The following LMO7 variants were observed in gnomAD, a reference collection of about 807,000 sequenced individuals.
The protein encoded by LMO7 is LIM domain 7, also known as LIM domain only protein 7.
LMO7 carries 120 observed loss-of-function variants against 206.5 expected under a neutral mutation model. The ratio of observed to expected loss-of-function variants is 0.58; its 90% CI spans 0.50 to 0.68. The LOEUF is 0.68. Among genes scored for constraint, LMO7 ranks in the 30% least tolerant of loss-of-function variants. The pLI is 0.00. For synonymous variants in LMO7, 706 were observed against 681.5 expected (o/e 1.04, Z -0.56); for missense variants, 1,959 against 1,957.9 (o/e 1.00, Z -0.01).
At chr13:75,754,733 A>G (rs1387174605) in intron 3 of LMO7, among the ~76,000 whole-genome samples, 1 of 152,210 alleles carries the variant, frequency 6.6e-6, no homozygotes, top group African/African-American at 2.4e-5. Flanking sequence ...GACATGTGCT[A>G]TAATGATATG....
Position 75,711,213 on chromosome 13 carries a change from G to A in LMO7, c.70-1969G>A, listed in dbSNP as rs571877672. Among the ~76,000 whole-genome samples the A allele has an allele frequency of 2.0e-5, 3 of 152,278 alleles. No individual in the cohort carries two copies. The South Asian group carries it at 6.2e-4, about 32-fold the overall frequency. ...GGATTCGGTTTGCCAGTATTTTATT[G>A]AGGATTTTTGCATTGATGTTCATCA... On this transcript the variant is annotated intron_variant, in intron 1 of 30. Transcript: ENST00000377534.
intron 11 of LMO7, among the ~76,000 whole-genome samples, chr13:75,812,344 A>C (rs1166764054): frequency 6.6e-6 from 1 of 152,228 alleles, no homozygotes; most frequent in Non-Finnish European, 1.5e-5. Flanking sequence ...TTTAGCATTG[A>C]TTGCTCTTCA....
intron 1 of LMO7, among the ~76,000 whole-genome samples, chr13:75,709,952 A>G (rs901087452): frequency 6.6e-6 from 1 of 152,164 alleles, no homozygotes; most frequent in African/African-American, 2.4e-5. Flanking sequence ...TAAGTCTTTA[A>G]TCCTTCTTGA....
At chr13:75,723,017 G>A (rs1249929563) in intron 2 of LMO7, among the ~76,000 whole-genome samples, 1 of 152,082 alleles carries the variant, frequency 6.6e-6, no homozygotes, top group African/African-American at 2.4e-5. Context: ...GGACTCGGGG[G>A]AAAGAGTGGG....
At chr13:75,675,219 G>A (rs1230427744) in intron 1 of LMO7, among the ~76,000 whole-genome samples, 8 of 151,594 alleles carry the variant, frequency 5.3e-5, no homozygotes, top group East Asian at 1.9e-4. Flanking sequence ...CATTACAGGC[G>A]CCTGCCACCA....
At chr13:75,818,991 T>C (rs891689290) in intron 12 of LMO7, among the ~76,000 whole-genome samples, 4 of 152,200 alleles carry the variant, frequency 2.6e-5, no homozygotes, top group African/African-American at 9.7e-5. Context: ...CGCGTAACCA[T>C]CACAATCGTG....
At chr13:75,654,876 C>CTCTCTTTT (rs1555288249) in intron 1 of LMO7, among the ~76,000 whole-genome samples, 51 of 141,174 alleles carry the variant, frequency 3.6e-4, no homozygotes, top group African/African-American at 1.2e-3. Context: ...TCTCTTCTCT[C>CTCTCTTTT]TTTTTTTTTT....
At chr13:75,622,713 A>G (rs2033476036) in intron 1 of LMO7, among the ~76,000 whole-genome samples, 1 of 152,212 alleles carries the variant, frequency 6.6e-6, no homozygotes, top group Non-Finnish European at 1.5e-5. Context: ...GTGCATACTA[A>G]TGGGTCTTGA....
At chr13:75,628,139 C>T (rs771133664) in intron 2 of LMO7, 14 of 152,196 alleles carry the variant, frequency 9.2e-5, no homozygotes, top group Non-Finnish European at 1.9e-4. Flanking sequence ...GAGGGCTTCT[C>T]ATCTATCCCT....
At chr13:75,743,734 A>C (rs1385942447) in intron 3 of LMO7, among the ~76,000 whole-genome samples, 1 of 152,072 alleles carries the variant, frequency 6.6e-6, no homozygotes, top group Admixed American at 6.6e-5. Context: ...GATCAGGAAA[A>C]ATAACAAATG....
intron 3 of LMO7, among the ~76,000 whole-genome samples, chr13:75,737,767 TA>T (rs1396304180): frequency 0.024 from 279 of 11,688 alleles, 5 homozygotes; most frequent in African/African-American, 0.085. Flanking sequence ...AAAAAAAAAA[TA>T]AAATAAAATA....
chr13:75,809,123 C>A, intron 10 of LMO7, 31 bp from the exon 11 acceptor site: 1 of 1,572,422 alleles, frequency 6.4e-7, no homozygotes, highest in Non-Finnish European at 8.8e-7. Context: ...GGAAAAATGA[C>A]TTTTTAATTT....
At chr13:75,645,608 T>G (rs1357790618) in intron 1 of LMO7, among the ~76,000 whole-genome samples, 1 of 152,248 alleles carries the variant, frequency 6.6e-6, no homozygotes, top group Non-Finnish European at 1.5e-5. Flanking sequence ...TTTTTCATTT[T>G]ACATGAAGAA....
Position 75,713,171 on chromosome 13 carries a change from C to T in LMO7, c.70-11C>T, listed in dbSNP as rs749212803. The T allele has an allele frequency of 3.1e-6, 5 of 1,607,580 alleles. No individual in the cohort carries two copies. Among genetic ancestry groups the T allele is most frequent in the Non-Finnish European group, 4.3e-6 (5 of 1,176,354 alleles). On this transcript the variant is annotated splice_polypyrimidine_tract_variant and intron_variant, in intron 1 of 30. Coordinates refer to ENST00000377534, the MANE Select transcript of LMO7 (RefSeq NM_001306080.2). ...CTTAAGAGAAAATTAACAACCAAAC[C>T]TATCTTTCAGGCAGTAACAGAGAAG... is the stretch of plus-strand genomic sequence containing the variant.
chr13:75,763,734 A>G (rs1226577499), intron 4 of LMO7, among the ~76,000 whole-genome samples: 1 of 152,126 alleles, frequency 6.6e-6, no homozygotes, highest in Non-Finnish European at 1.5e-5. Flanking sequence ...AGGACAGTCG[A>G]TATCCTCTGT....
intron 3 of LMO7, among the ~76,000 whole-genome samples, chr13:75,754,993 A>G (rs146069537): frequency 1.7e-3 from 262 of 152,308 alleles, no homozygotes; most frequent in African/African-American, 6.2e-3. Context: ...ATGTAACCCT[A>G]CATTTGGGGT....
At chr13:75,735,165 C>T (rs921969769) in intron 3 of LMO7, among the ~76,000 whole-genome samples, 1 of 150,106 alleles carries the variant, frequency 6.7e-6, no homozygotes, top group Non-Finnish European at 1.5e-5. Flanking sequence ...ACACATGGAG[C>T]TTTACAATTT....
chr13:75,724,873 G>A (rs1322226447), intron 2 of LMO7, among the ~76,000 whole-genome samples: 2 of 152,010 alleles, frequency 1.3e-5, no homozygotes, highest in Admixed American at 1.3e-4. Flanking sequence ...ATTTTTTAGA[G>A]GCTACTTTGT....
At chr13:75,657,217 A>G (rs1040518120) in intron 1 of LMO7, among the ~76,000 whole-genome samples, 2 of 152,324 alleles carry the variant, frequency 1.3e-5, no homozygotes, top group African/African-American at 4.8e-5. Context: ...CAAAGATAGC[A>G]TGGCCATGCT....
Sources: gnomAD v4.1 joint callset for allele counts (sites outside exome capture counted in the v4.1 genomes callset) on GRCh38, gnomAD v4.1.1 for gene constraint, MANE v1.5 for transcripts, NCBI Gene and HGNC (gene_info 2026-07-23, HGNC 2026-07-21) for gene names.